VAPA: variants seen among roughly 807,000 people sequenced by gnomAD.
The protein encoded by VAPA is VAMP associated protein A.
Under a neutral mutation model 25.6 loss-of-function variants are expected in VAPA, and 6 were observed. The ratio of observed to expected loss-of-function variants is 0.23; its 90% confidence interval spans 0.13 to 0.46. VAPA has a LOEUF of 0.46. VAPA is among the 20% of genes least tolerant of loss of function. The pLI is 0.99. For synonymous variants in VAPA, 112 were observed against 106.2 expected, an observed-to-expected ratio of 1.05 and a Z score of -0.34; for missense variants, 244 against 302.1, an observed-to-expected ratio of 0.81 and a Z score of 1.43.
chr18:9,946,602 A>C (rs2069426710), intron 4 of VAPA, among the ~76,000 whole-genome samples: 1 of 151,966 alleles, frequency 6.6e-6, no homozygotes, highest in Non-Finnish European at 1.5e-5. Context: ...CTATACACAG[A>C]AAAGGCGCAG....
intron 1 of VAPA, among the ~76,000 whole-genome samples, chr18:9,928,438 G>GT (rs1263700054): frequency 6.6e-6 from 1 of 152,106 alleles, no homozygotes; most frequent in Non-Finnish European, 1.5e-5. Context: ...CCCTCTCCCA[G>GT]TTACTTCCAC....
intron 1 of VAPA, among the ~76,000 whole-genome samples, chr18:9,919,901 G>C (rs1039857072): frequency 6.6e-6 from 1 of 152,218 alleles, no homozygotes; most frequent in Non-Finnish European, 1.5e-5. Context: ...GGCGGCTGCA[G>C]CAGTACTGGC....
chr18:9,923,916 G>T, intron 1 of VAPA: 1 of 168,700 alleles, frequency 5.9e-6, no homozygotes, highest in Non-Finnish European at 1.2e-5. Flanking sequence ...ATATTATAAA[G>T]CTGTCTATGG....
chr18:9,925,609 A>T (rs796449324), intron 1 of VAPA, among the ~76,000 whole-genome samples: 1 of 152,112 alleles, frequency 6.6e-6, no homozygotes, highest in East Asian at 1.9e-4. Flanking sequence ...AGACCTATTC[A>T]TGGAGCTTAC....
At position 9,937,647 on chromosome 18, in the gene VAPA, C is replaced by T. The variant is rs144328566; in HGVS notation, c.417+581C>T. ...AACAAAAAATAGTCTGTGAATGTAC[C>T]GAGTGGGTTGTAGTCACTTACCTTG... On this transcript the variant is annotated intron_variant, in intron 4 of 5. Coordinates refer to ENST00000400000, the MANE Select transcript of VAPA (RefSeq NM_194434.3). Among the ~76,000 whole-genome samples the T allele has an allele frequency of 8.0e-4, 122 of 152,124 alleles. 3 individuals carry two copies. Among genetic ancestry groups the T allele is most frequent in the South Asian group, 4.1e-3 (20 of 4,826 alleles).
chr18:9,936,018 C>T, intron 2 of VAPA, 92 bp from the exon 3 acceptor site: 1 of 871,114 alleles, frequency 1.1e-6, no homozygotes, highest in Non-Finnish European at 1.7e-6. Flanking sequence ...AGGCAAATCC[C>T]AGACTTAGTA....
At chr18:9,949,245 TA>T (rs1457419033) in intron 4 of VAPA, 1 of 152,192 alleles carries the variant, frequency 6.6e-6, no homozygotes, top group African/African-American at 2.4e-5. Context: ...TAGGCTGCTT[TA>T]AAACGTTGCT....
chr18:9,917,718 A>C (rs2069123499), intron 1 of VAPA, among the ~76,000 whole-genome samples: 1 of 152,246 alleles, frequency 6.6e-6, no homozygotes, highest in African/African-American at 2.4e-5. Flanking sequence ...GATAACAATA[A>C]ATCAACAAAG....
chr18:9,935,094 CAAA>C (rs34998578), intron 2 of VAPA, among the ~76,000 whole-genome samples: 1 of 86,850 alleles, frequency 1.2e-5, no homozygotes, highest in Admixed American at 1.3e-4. Context: ...GACTCCGTCT[CAAA>C]AAAAAAAAAA....
chr18:9,939,371 T>G (rs1599110073), intron 4 of VAPA, among the ~76,000 whole-genome samples: 1 of 152,086 alleles, frequency 6.6e-6, no homozygotes, highest in South Asian at 2.1e-4. Flanking sequence ...GCCAGGTTGG[T>G]CTCAAACTCC....
At position 9,953,793 on chromosome 18, in the gene VAPA, A is replaced by G. The variant is rs182400819; in HGVS notation, c.592-260A>G. The stretch of plus-strand genomic sequence containing the variant: ...TAAAAAATCAGTGTTATTGAGGTAT[A>G]ATTTATATCCCATGGAGACACCCAC... On this transcript the variant is annotated intron_variant, in intron 5 of 5. Coordinates refer to ENST00000400000, the MANE Select transcript of VAPA (RefSeq NM_194434.3). 2.0e-5 allele frequency among the ~76,000 whole-genome samples: 3 copies of G among 152,332 alleles called. No homozygotes were observed. In the East Asian group the frequency reaches 5.8e-4, roughly 29 times the overall value.
chr18:9,914,591 C>T lies in VAPA; in HGVS notation c.79+256C>T, dbSNP rs567377008. 4.6e-3 allele frequency: 765 copies of T among 168,072 alleles called. 7 individuals are homozygous for T. Among genetic ancestry groups the T allele is most frequent in the African/African-American group, 0.018 (735 of 41,628 alleles). 10.4% of individuals were successfully genotyped at this position (168,072 alleles called of 1,614,324 possible). On this transcript the variant is annotated intron_variant, in intron 1 of 5. Transcript: ENST00000400000. ...GGCCGGGGCGAGGCGGAGGGGAGCCCGGCCCTGGCGCCGCCGCCGCCGCCA... is the reference window on the plus strand; with the variant it reads ...GGCCGGGGCGAGGCGGAGGGGAGCCTGGCCCTGGCGCCGCCGCCGCCGCCA...
intron 4 of VAPA, chr18:9,945,195 T>C (rs1476236179): frequency 1.9e-6 from 2 of 1,073,618 alleles, no homozygotes; most frequent in African/African-American, 3.2e-5. Flanking sequence ...AAAATTACAA[T>C]AAAACTACAA....
rs1307870456 is a variant in VAPA at position 9,957,416 on chromosome 18, C to T, written c.*3205C>T. ...TTTTGAACTGTAATCTTTCAGATTACACCACTTTGAAAACAAGTTTTAACA... is the reference window on the plus strand; with the variant it reads ...TTTTGAACTGTAATCTTTCAGATTATACCACTTTGAAAACAAGTTTTAACA... On this transcript the variant is annotated 3_prime_UTR_variant, in exon 6 of 6. Coordinates refer to ENST00000400000, the MANE Select transcript of VAPA (RefSeq NM_194434.3). The T allele has an allele frequency of 2.0e-5, 3 of 152,170 alleles. No homozygotes were observed. Among genetic ancestry groups the T allele is most frequent in the South Asian group, 2.1e-4 (1 of 4,826 alleles). 9.4% of individuals were successfully genotyped at this position (152,170 alleles called of 1,614,324 possible).
At chr18:9,937,873 G>A (rs903403687) in intron 4 of VAPA, among the ~76,000 whole-genome samples, 6 of 152,096 alleles carry the variant, frequency 3.9e-5, no homozygotes, top group African/African-American at 1.4e-4. Context: ...AAGTAAACAT[G>A]CAGATTAAAT....
chr18:9,951,270 C>T (rs1011878187), intron 5 of VAPA: 3 of 152,240 alleles, frequency 2.0e-5, no homozygotes, highest in African/African-American at 7.2e-5. Context: ...TGGAAAGGCC[C>T]AGAACCCTGC....
At chr18:9,928,436 C>CA (rs2069221266) in intron 1 of VAPA, among the ~76,000 whole-genome samples, 1 of 152,108 alleles carries the variant, frequency 6.6e-6, no homozygotes, top group South Asian at 2.1e-4. Context: ...TACCCTCTCC[C>CA]AGTTACTTCC....
intron 2 of VAPA, among the ~76,000 whole-genome samples, chr18:9,932,450 A>G (rs2069265395): frequency 6.6e-6 from 1 of 152,090 alleles, no homozygotes; most frequent in South Asian, 2.1e-4. Context: ...TGAAAACTTT[A>G]TTTTTATTTT....
intron 2 of VAPA, among the ~76,000 whole-genome samples, chr18:9,934,580 A>G (rs1442936545): frequency 1.1e-4 from 16 of 152,222 alleles, no homozygotes; most frequent in Admixed American, 1.0e-3. Flanking sequence ...AGACTTTATT[A>G]CATAATTATT....
Sources: gnomAD v4.1 joint callset for allele counts (sites outside exome capture counted in the v4.1 genomes callset) on GRCh38, gnomAD v4.1.1 for gene constraint, MANE v1.5 for transcripts, NCBI Gene and HGNC (gene_info 2026-07-23, HGNC 2026-07-21) for gene names.